The following SETX variants were observed in gnomAD, a reference collection of about 807,000 sequenced individuals.
SETX encodes helicase senataxin.
In SETX, 90 loss-of-function variants were observed where a neutral mutation model predicts 227.2. That is an observed-to-expected ratio of 0.40 (90% confidence interval 0.33 to 0.47). SETX has a LOEUF of 0.47. SETX is among the 20% of genes least tolerant of loss of function. The pLI is 0.91. For missense variants in SETX, 3,052 were observed against 3,181.5 expected (o/e 0.96, Z 0.98); for synonymous variants, 1,210 against 1,113.2 (o/e 1.09, Z -1.73).
intron 25 of SETX, among the ~76,000 whole-genome samples, chr9:132,265,266 G>GC (rs1842588603): frequency 9.0e-6 from 1 of 111,486 alleles, no homozygotes; most frequent in South Asian, 3.0e-4. Flanking sequence ...TCACTCTGTT[G>GC]CCAGGCTGGA....
chr9:132,320,039 T>A (rs1055547553), intron 10 of SETX, among the ~76,000 whole-genome samples: 1 of 152,084 alleles, frequency 6.6e-6, no homozygotes, highest in East Asian at 1.9e-4. Context: ...GGCAAAACAG[T>A]GCACATGTAT....
intron 3 of SETX, among the ~76,000 whole-genome samples, chr9:132,347,071 A>G (rs558769866): frequency 6.6e-6 from 1 of 152,082 alleles, no homozygotes; most frequent in South Asian, 2.1e-4. Flanking sequence ...CCTGACCAAC[A>G]CGGAGGAACC....
intron 7 of SETX, among the ~76,000 whole-genome samples, chr9:132,333,724 C>T (rs1589755334): frequency 2.6e-5 from 4 of 152,056 alleles, no homozygotes; most frequent in Admixed American, 2.6e-4. Flanking sequence ...AACATGACTA[C>T]AAGTTTTAGG....
intron 15 of SETX, among the ~76,000 whole-genome samples, chr9:132,290,731 T>C (rs1247031073): frequency 6.6e-6 from 1 of 151,806 alleles, no homozygotes; most frequent in East Asian, 1.9e-4. Context: ...TCCACCTCTA[T>C]CAAAATTGAC....
chr9:132,305,348 C>T (rs528531294), intron 11 of SETX, among the ~76,000 whole-genome samples: 64 of 116,598 alleles, frequency 5.5e-4, no homozygotes, highest in Non-Finnish European at 7.5e-4. Flanking sequence ...AGCAAGACTC[C>T]GTCTCAAAAA....
chr9:132,352,163 C>T (rs2131586558), intron 2 of SETX, among the ~76,000 whole-genome samples: 1 of 152,298 alleles, frequency 6.6e-6, no homozygotes, highest in Non-Finnish European at 1.5e-5. Context: ...TGTGAAGTCC[C>T]TAACAATCTT....
At chr9:132,317,744 T>C (rs1321686392) in intron 10 of SETX, among the ~76,000 whole-genome samples, 1 of 152,188 alleles carries the variant, frequency 6.6e-6, no homozygotes, top group South Asian at 2.1e-4. Context: ...ATTACAGGCA[T>C]GAGCCACTGT....
chr9:132,280,284 A>AT (rs10592325), intron 20 of SETX, among the ~76,000 whole-genome samples: 2,250 of 151,448 alleles, frequency 0.015, 48 homozygotes, highest in African/African-American at 0.052. Context: ...GCACAAATGG[A>AT]TTTTTTTTTT....
rs886063559 is a variant in SETX, at chr9:132,330,240, T to C, written c.1358A>G (p.Lys453Arg). ...VLNQTDAVCDKVTEFFLLILV... is the reference protein window; with the variant it reads ...VLNQTDAVCDRVTEFFLLILV... ...AATTAGAAGAAAAAATTCAGTGACTTTGTCACACACAGCATCTGTTTGGTT... is the reference window on the plus strand; with the variant it reads ...AATTAGAAGAAAAAATTCAGTGACTCTGTCACACACAGCATCTGTTTGGTT... The change falls in exon 10 of 26, where the codon AAA becomes AGA. Residue 453 changes from lysine to arginine, a missense_variant. Lys to Arg is a conservative substitution (Grantham distance 26, BLOSUM62 2). Coordinates refer to ENST00000224140, the MANE Select transcript of SETX (RefSeq NM_015046.7). 3.2e-6 allele frequency: 5 copies of C among 1,572,922 alleles called. No individual in the cohort carries two copies. In the Middle Eastern group the frequency reaches 5.2e-4, roughly 162 times the overall value.
chr9:132,290,529 C>T (rs1048252681), intron 15 of SETX, among the ~76,000 whole-genome samples: 1 of 143,366 alleles, frequency 7.0e-6, no homozygotes, highest in African/African-American at 2.7e-5. Context: ...GAGCTGAAAT[C>T]GCGCCACTGT....
At position 132,329,013 on chromosome 9, in the gene SETX, A is replaced by G; in HGVS notation, c.2585T>C (p.Val862Ala). Residue 862 changes from valine (V) to alanine (A), a missense_variant, in exon 10 of 26, where the codon GTA becomes GCA. Around this residue, in one of 10 missense-constraint regions of SETX, gnomAD observed 1,483 missense variants for 1,312.0 expected, o/e 1.13. Coordinates refer to ENST00000224140, the MANE Select transcript of SETX (RefSeq NM_015046.7). ...CTTTAATTGTTTCTCTTTTGGCAATACATTGTTTTGAGATTTTTGTTCTCC... is the reference window on the plus strand; with the variant it reads ...CTTTAATTGTTTCTCTTTTGGCAATGCATTGTTTTGAGATTTTTGTTCTCC... ...KNGEQKSQNN[V>A]LPKEKQLKNE... is the part of the protein sequence containing the mutation. 1 of 1,607,408 alleles carries G rather than the reference A, an allele frequency of 6.2e-7. No homozygotes were observed. Among genetic ancestry groups the G allele is most frequent in the Non-Finnish European group, 8.5e-7 (1 of 1,177,554 alleles).
chr9:132,309,645 A>G (rs764758512), intron 11 of SETX, among the ~76,000 whole-genome samples: 11 of 152,138 alleles, frequency 7.2e-5, no homozygotes, highest in Non-Finnish European at 1.6e-4. Flanking sequence ...GTTTGAGATC[A>G]GCCTGGGCAA....
intron 4 of SETX, among the ~76,000 whole-genome samples, chr9:132,345,046 G>A (rs1345982046): frequency 6.6e-6 from 1 of 152,140 alleles, no homozygotes; most frequent in Non-Finnish European, 1.5e-5. Flanking sequence ...CCAACCAGGG[G>A]TGATTTTATA....
In SETX at chr9:132,331,298, T is replaced by C. The variant is rs776565346; in HGVS notation, c.989A>G (p.His330Arg). 1.9e-6 allele frequency: 3 copies of C among 1,614,136 alleles called. No homozygotes were observed. The highest frequency in any genetic ancestry group is 2.5e-6 in the Non-Finnish European group (3 of 1,180,000). The part of the protein sequence containing the change: ...NNASYNREIR[H>R]IRNSSVRTKL... The stretch of plus-strand genomic sequence containing the variant: ...TAACCTTACAGAGCTGTTCCGTATA[T>C]GTCGGATCTCTCTATTGTAGCTTGC... Residue 330 changes from histidine (H) to arginine (R), a missense_variant, in exon 8 of 26, where the codon CAT becomes CGT. His to Arg is a conservative substitution (Grantham distance 29). Transcript: ENST00000224140.
At chr9:132,285,737 G>C (rs976478853) in intron 18 of SETX, among the ~76,000 whole-genome samples, 2 of 150,510 alleles carry the variant, frequency 1.3e-5, no homozygotes, top group African/African-American at 5.0e-5. Context: ...AAATTTAGTC[G>C]GGCGTGGTGG....
rs1846434369 is a variant in SETX at position 132,322,652 on chromosome 9, T to C, written c.5274+3672A>G. Among the ~76,000 whole-genome samples, 5 of 152,234 alleles carry C rather than the reference T, an allele frequency of 3.3e-5. No homozygotes were observed. The South Asian group carries it at 1.0e-3, about 32-fold the overall frequency. ...ATTTGGGTTGTTTCCACTTTTTGGC[T>C]ACCATGAATAATGTTCCAATCTACT... On this transcript the variant is annotated intron_variant, in intron 10 of 25. Coordinates refer to ENST00000224140, the MANE Select transcript of SETX (RefSeq NM_015046.7).
intron 6 of SETX, among the ~76,000 whole-genome samples, 163 bp from the exon 7 acceptor site, chr9:132,334,890 T>C (rs377747054): frequency 2.8e-4 from 43 of 152,312 alleles, no homozygotes; most frequent in Admixed American, 1.1e-3. Flanking sequence ...TCCCAAGTAA[T>C]AGAACTCTAG....
chr9:132,313,015 A>G (rs952063603), intron 10 of SETX, among the ~76,000 whole-genome samples: 7 of 152,318 alleles, frequency 4.6e-5, no homozygotes, highest in South Asian at 4.1e-4. Flanking sequence ...TTCTATATAC[A>G]TGACATTTCC....
chr9:132,287,034 T>C (rs1486483608), intron 17 of SETX, among the ~76,000 whole-genome samples: 2 of 152,062 alleles, frequency 1.3e-5, no homozygotes, highest in African/African-American at 2.4e-5. Flanking sequence ...AAAAACAAAT[T>C]ATGGAGTGGA....
Sources: allele counts gnomAD v4.1 joint callset (sites outside exome capture counted in the v4.1 genomes callset), GRCh38; gene constraint gnomAD v4.1.1; regional missense constraint gnomAD v4.1.1; transcripts MANE v1.5; gene names NCBI Gene and HGNC (gene_info 2026-07-23, HGNC 2026-07-21).